Variants in MARCHF1 observed in about 807,000 individuals in gnomAD.
MARCHF1 encodes the protein E3 ubiquitin-protein ligase MARCHF1.
In MARCHF1, 40 loss-of-function variants were observed where a neutral mutation model predicts 54.2. The ratio of observed to expected loss-of-function variants is 0.74; its 90% CI spans 0.57 to 0.96. The LOEUF is 0.96. MARCHF1 is among the 40% of genes least tolerant of loss of function. MARCHF1 has a pLI of 0.00. For synonymous variants in MARCHF1, 236 were observed against 236.3 expected (o/e 1.00, Z 0.01); for missense variants, 586 against 656.5 (o/e 0.89, Z 1.17).
intron 9 of MARCHF1, among the ~76,000 whole-genome samples, chr4:163,543,323 G>A (rs1738782238): frequency 6.6e-6 from 1 of 152,012 alleles, no homozygotes; most frequent in Non-Finnish European, 1.5e-5. Flanking sequence ...GATTCCAGAG[G>A]CATTCGAGAC....
intron 2 of MARCHF1, among the ~76,000 whole-genome samples, chr4:164,047,071 A>G (rs1754258151): frequency 6.6e-6 from 1 of 152,208 alleles, no homozygotes; most frequent in Non-Finnish European, 1.5e-5. Flanking sequence ...AAATACTTAT[A>G]TTTGAAATAA....
chr4:164,276,947 T>TATATATATATATATATATATAG (rs1392528920), intron 1 of MARCHF1, among the ~76,000 whole-genome samples: 67 of 118,768 alleles, frequency 5.6e-4, no homozygotes, highest in East Asian at 1.5e-3. Context: ...TATATATATA[T>TATATATATATATATATATATAG]AGAGAGAGAG....
intron 4 of MARCHF1, among the ~76,000 whole-genome samples, chr4:163,773,066 T>C (rs917046439): frequency 6.6e-6 from 1 of 152,218 alleles, no homozygotes; most frequent in Non-Finnish European, 1.5e-5. Flanking sequence ...TTTGAAACAC[T>C]TGCTAGAGGC....
At chr4:163,890,514 C>A (rs1579369606) in intron 3 of MARCHF1, among the ~76,000 whole-genome samples, 1 of 152,048 alleles carries the variant, frequency 6.6e-6, no homozygotes, top group Non-Finnish European at 1.5e-5. Flanking sequence ...GGGCAAATAA[C>A]TTGATCAATC....
At chr4:163,827,403 A>C (rs1579318477) in intron 4 of MARCHF1, among the ~76,000 whole-genome samples, 1 of 152,194 alleles carries the variant, frequency 6.6e-6, no homozygotes, top group East Asian at 1.9e-4. Context: ...GACATTATGA[A>C]AATAAAATCT....
chr4:164,115,493 A>G (rs1755921490), intron 1 of MARCHF1, among the ~76,000 whole-genome samples: 3 of 152,148 alleles, frequency 2.0e-5, no homozygotes. Flanking sequence ...CATTTGGCAG[A>G]GACCATAGTA....
intron 1 of MARCHF1, among the ~76,000 whole-genome samples, chr4:164,114,257 T>C (rs1007052579): frequency 4.6e-5 from 7 of 152,082 alleles, no homozygotes; most frequent in African/African-American, 1.2e-4. Flanking sequence ...TGTATATTCA[T>C]AAAAATAAAA....
At chr4:164,154,205 TGCCATTAG>T (rs1730015546) in intron 1 of MARCHF1, among the ~76,000 whole-genome samples, 1 of 149,532 alleles carries the variant, frequency 6.7e-6, no homozygotes, top group Admixed American at 6.7e-5. Context: ...TCTTGCCATT[TGCCATTAG>T]GCCATTTAAA....
chr4:163,688,402 C>T (rs1744338118), intron 5 of MARCHF1, among the ~76,000 whole-genome samples: 1 of 152,074 alleles, frequency 6.6e-6, no homozygotes, highest in Non-Finnish European at 1.5e-5. Context: ...AAACATTGCA[C>T]CTTTAATTTA....
At chr4:164,083,965 G>A (rs1416641807) in intron 2 of MARCHF1, among the ~76,000 whole-genome samples, 1 of 151,870 alleles carries the variant, frequency 6.6e-6, no homozygotes, top group Non-Finnish European at 1.5e-5. Flanking sequence ...TTTTGTTTTT[G>A]TTTTCAACCT....
At chr4:164,064,762 C>T (rs897501215) in intron 2 of MARCHF1, among the ~76,000 whole-genome samples, 3 of 152,098 alleles carry the variant, frequency 2.0e-5, no homozygotes, top group Admixed American at 6.6e-5. Flanking sequence ...TTTTCCCATT[C>T]AGTATGATGT....
chr4:163,971,635 G>A (rs1292164063), intron 3 of MARCHF1, among the ~76,000 whole-genome samples: 1 of 152,296 alleles, frequency 6.6e-6, no homozygotes, highest in East Asian at 1.9e-4. Context: ...GGACCAGGGT[G>A]GAGTTACAGA....
intron 3 of MARCHF1, among the ~76,000 whole-genome samples, chr4:163,924,565 T>C (rs182854660): frequency 6.6e-6 from 1 of 152,118 alleles, no homozygotes; most frequent in Non-Finnish European, 1.5e-5. Flanking sequence ...TGCGATTTTA[T>C]TAAAAAATAT....
chr4:163,809,734 A>G (rs2111005701), intron 4 of MARCHF1, among the ~76,000 whole-genome samples: 1 of 152,220 alleles, frequency 6.6e-6, no homozygotes, highest in East Asian at 1.9e-4. Context: ...TACATGTAAA[A>G]GTCAAGTACA....
chr4:163,936,401 A>G (rs1203005423), intron 3 of MARCHF1, among the ~76,000 whole-genome samples: 1 of 152,222 alleles, frequency 6.6e-6, no homozygotes. Context: ...GAAACACAAT[A>G]AAAGTGAACC....
intron 3 of MARCHF1, among the ~76,000 whole-genome samples, chr4:163,903,610 TC>T: frequency 6.6e-6 from 1 of 152,058 alleles, no homozygotes; most frequent in Non-Finnish European, 1.5e-5. Flanking sequence ...TTTCTTTCTT[TC>T]TTTCTTTCTT....
At chr4:164,044,598 G>A (rs1383406005) in intron 2 of MARCHF1, among the ~76,000 whole-genome samples, 1 of 152,120 alleles carries the variant, frequency 6.6e-6, no homozygotes, top group Non-Finnish European at 1.5e-5. Flanking sequence ...TTCAAGGAAA[G>A]GAGAAGTTTG....
At chr4:163,620,439 T>G (rs1741641610) in intron 5 of MARCHF1, among the ~76,000 whole-genome samples, 1 of 152,114 alleles carries the variant, frequency 6.6e-6, no homozygotes. Context: ...TTTTTATAAT[T>G]GTCCAAAGAT....
At chr4:163,975,738 G>A (rs1752637051) in intron 3 of MARCHF1, among the ~76,000 whole-genome samples, 4 of 152,102 alleles carry the variant, frequency 2.6e-5, no homozygotes, top group Admixed American at 2.6e-4. Flanking sequence ...CTCCTCTATT[G>A]AACAATATGG....
Sources: gnomAD v4.1 joint callset for allele counts (sites outside exome capture counted in the v4.1 genomes callset) on GRCh38, gnomAD v4.1.1 for gene constraint, MANE v1.5 for transcripts, NCBI Gene and HGNC (gene_info 2026-07-23, HGNC 2026-07-21) for gene names.